ESR1: variants seen among roughly 807,000 people sequenced by gnomAD.
ESR1 encodes the protein estrogen receptor.
ESR1 carries 12 observed loss-of-function variants against 52.7 expected under a neutral mutation model. That is an observed-to-expected ratio of 0.23 (90% CI 0.15 to 0.37). The LOEUF is 0.37. ESR1 is among the 10% of genes least tolerant of loss of function. ESR1 has a pLI of 1.00. For synonymous variants in ESR1, 305 were observed against 316.8 expected (o/e 0.96, Z 0.39); for missense variants, 584 against 779.7 (o/e 0.75, Z 2.99).
chr6:152,114,663 G>A (rs553313334), intron 6 of ESR1, among the ~76,000 whole-genome samples: 6 of 151,784 alleles, frequency 4.0e-5, no homozygotes, highest in South Asian at 4.2e-4. Flanking sequence ...AGGCCGAGGC[G>A]GGCGGATCAC....
intron 2 of ESR1, among the ~76,000 whole-genome samples, chr6:151,866,918 A>G (rs536563963): frequency 5.9e-5 from 9 of 152,334 alleles, no homozygotes; most frequent in African/African-American, 2.2e-4. Context: ...CAAAACAGAT[A>G]TCTAGACCAC....
At chr6:151,693,222 A>T (rs1386324137) in intron 1 of ESR1, among the ~76,000 whole-genome samples, 1 of 152,234 alleles carries the variant, frequency 6.6e-6, no homozygotes, top group Non-Finnish European at 1.5e-5. Context: ...AGCCTAGCAC[A>T]GTGCCTGGTA....
intron 6 of ESR1, among the ~76,000 whole-genome samples, chr6:152,093,128 T>C (rs754668711): frequency 3.3e-5 from 5 of 151,970 alleles, no homozygotes; most frequent in Non-Finnish European, 7.4e-5. Context: ...AACACAAAAA[T>C]TAGCCGGGTG....
At chr6:151,849,293 T>G (rs974263524) in intron 2 of ESR1, among the ~76,000 whole-genome samples, 4 of 152,180 alleles carry the variant, frequency 2.6e-5, no homozygotes, top group African/African-American at 9.7e-5. Context: ...ATAGCTCCAG[T>G]GCTTTTAGTC....
At chr6:152,071,977 A>G (rs9479190) in intron 6 of ESR1, among the ~76,000 whole-genome samples, 31,186 of 152,150 alleles carry the variant, frequency 0.2, 4,411 homozygotes, top group African/African-American at 0.39. Context: ...GAAACTATCA[A>G]TTACACTTTT....
chr6:152,068,802 C>G (rs1362634594), intron 6 of ESR1, among the ~76,000 whole-genome samples: 4 of 152,108 alleles, frequency 2.6e-5, no homozygotes, highest in African/African-American at 4.8e-5. Context: ...ACAAAACTAC[C>G]CATTCTGCAA....
intron 2 of ESR1, among the ~76,000 whole-genome samples, chr6:151,867,693 T>G (rs1358295190): frequency 2.0e-5 from 3 of 152,206 alleles, no homozygotes; most frequent in Non-Finnish European, 2.9e-5. Flanking sequence ...GTTTTTACAC[T>G]GTTGGTGGGA....
At chr6:152,021,974 C>T (rs112076855) in intron 5 of ESR1, among the ~76,000 whole-genome samples, 3 of 152,190 alleles carry the variant, frequency 2.0e-5, no homozygotes, top group Non-Finnish European at 2.9e-5. Context: ...GTCCTTTAAA[C>T]CTCTTTTCTT....
chr6:151,695,889 C>A (rs943244077), intron 1 of ESR1, among the ~76,000 whole-genome samples: 2 of 152,134 alleles, frequency 1.3e-5, no homozygotes, highest in African/African-American at 4.8e-5. Flanking sequence ...AATAAAGACA[C>A]AAATTGCTCT....
chr6:151,827,298 G>T (rs1016964745), intron 1 of ESR1, among the ~76,000 whole-genome samples: 36 of 149,080 alleles, frequency 2.4e-4, no homozygotes, highest in African/African-American at 8.7e-4. Context: ...GGTGGAGGTT[G>T]CAGTGAGCTG....
intron 2 of ESR1, among the ~76,000 whole-genome samples, chr6:151,768,000 A>G (rs569451291): frequency 4.6e-5 from 7 of 152,338 alleles, no homozygotes; most frequent in African/African-American, 1.7e-4. Context: ...CTGTGTGTCC[A>G]GGAAAAAGGT....
At chr6:152,062,036 G>A (rs1324964127) in intron 6 of ESR1, among the ~76,000 whole-genome samples, 3 of 152,058 alleles carry the variant, frequency 2.0e-5, no homozygotes, top group Non-Finnish European at 4.4e-5. Context: ...TAGCTATTTC[G>A]AATCTCTGGG....
chr6:151,838,888 G>A (rs1783829086), intron 1 of ESR1, among the ~76,000 whole-genome samples: 2 of 152,100 alleles, frequency 1.3e-5, no homozygotes, highest in South Asian at 4.1e-4. Flanking sequence ...TAGATGAATG[G>A]CATTTTGCTG....
chr6:151,899,476 G>A (rs1190417519), intron 3 of ESR1, among the ~76,000 whole-genome samples: 2 of 144,264 alleles, frequency 1.4e-5, no homozygotes, highest in Non-Finnish European at 3.1e-5. Context: ...CAGGCGGGGG[G>A]CTGACCCCCC....
At chr6:151,663,634 T>C (rs1777715708) in intron 1 of ESR1, among the ~76,000 whole-genome samples, 2 of 152,210 alleles carry the variant, frequency 1.3e-5, no homozygotes, top group Non-Finnish European at 2.9e-5. Flanking sequence ...GCTTTCACTG[T>C]GTCCCCAGAA....
At chr6:151,878,174 G>A (rs1753083687) in intron 2 of ESR1, among the ~76,000 whole-genome samples, 1 of 152,104 alleles carries the variant, frequency 6.6e-6, no homozygotes, top group Non-Finnish European at 1.5e-5. Flanking sequence ...AAATACCACA[G>A]GAGACTAAAC....
chr6:151,746,819 C>T (rs1323052148), intron 2 of ESR1, among the ~76,000 whole-genome samples: 3 of 152,216 alleles, frequency 2.0e-5, no homozygotes, highest in African/African-American at 7.2e-5. Flanking sequence ...GGCACCAATC[C>T]TGGCTCTGGC....
chr6:151,877,481 G>C (rs1361667580), intron 2 of ESR1, among the ~76,000 whole-genome samples: 1 of 152,122 alleles, frequency 6.6e-6, no homozygotes, highest in East Asian at 1.9e-4. Context: ...TGTCACAAAA[G>C]GTTTGCCGTA....
At chr6:151,716,884 A>G (rs537420466) in intron 2 of ESR1, among the ~76,000 whole-genome samples, 5 of 152,182 alleles carry the variant, frequency 3.3e-5, no homozygotes, top group African/African-American at 1.2e-4. Flanking sequence ...GGTATGAAAA[A>G]CAAAAACTCC....
Sources: allele counts gnomAD v4.1 joint callset (sites outside exome capture counted in the v4.1 genomes callset), GRCh38; gene constraint gnomAD v4.1.1; transcripts MANE v1.5; gene names NCBI Gene and HGNC (gene_info 2026-07-23, HGNC 2026-07-21).